PDCD7: variants seen among roughly 807,000 people sequenced by gnomAD.
The protein encoded by PDCD7 is programmed cell death protein 7.
A neutral mutation model predicts 42.1 loss-of-function variants in PDCD7; 40 were observed. That is an observed-to-expected ratio of 0.95 (90% confidence interval 0.74 to 1.24). The LOEUF (loss-of-function observed/expected upper bound fraction) is 1.24, where lower values mean the gene tolerates loss of function less well. Among genes scored for constraint, PDCD7 ranks in the 50% most tolerant of loss-of-function variants. PDCD7 has a pLI of 0.00. For synonymous variants in PDCD7, 299 were observed against 303.3 expected (o/e 0.99, Z 0.15); for missense variants, 644 against 662.8 (o/e 0.97, Z 0.31).
At chr15:65,124,628 T>C (rs1277585285) in intron 2 of PDCD7, among the ~76,000 whole-genome samples, 1 of 152,134 alleles carries the variant, frequency 6.6e-6, no homozygotes, top group African/African-American at 2.4e-5. Flanking sequence ...ACCTTGGCAT[T>C]ATCAGAAAAA....
chr15:65,133,475 C>T lies in PDCD7; in HGVS notation c.307G>A (p.Ala103Thr), dbSNP rs2087561099. The change falls in exon 1 of 5, where the codon GCC becomes ACC. Residue 103 changes from alanine (A) to threonine (T), a missense_variant. Ala to Thr is a moderately conservative substitution (Grantham distance 58). Coordinates refer to ENST00000204549, the MANE Select transcript of PDCD7 (RefSeq NM_005707.2). ...PQCRPFPGTD[A>T]GERPRPPPPG... ...GGCGGTGGCCGCGGCCGCTCGCCGG[C>T]GTCGGTCCCCGGGAAGGGCCGACAC... is the stretch of plus-strand genomic sequence containing the variant. 4.1e-6 allele frequency: 5 copies of T among 1,218,528 alleles called. No homozygotes were observed. Among genetic ancestry groups the T allele is most frequent in the South Asian group, 4.1e-5 (1 of 24,242 alleles). The allele number at this position is 1,218,528 out of a possible 1,614,324, so 75.5% of individuals were successfully genotyped here. A position where few individuals can be genotyped will look rare whatever the true frequency, so the allele number is the denominator to read the frequency against.
In PDCD7 at chr15:65,128,916, G is replaced by A. The variant is rs117447304; in HGVS notation, c.1009+116C>T. 46 of 1,245,158 alleles carry A rather than the reference G, an allele frequency of 3.7e-5. 1 individual carries two copies. Among genetic ancestry groups the A allele is most frequent in the Middle Eastern group, 2.4e-4 (1 of 4,188 alleles). The allele number at this position is 1,245,158 out of a possible 1,614,324, so 77.1% of individuals were successfully genotyped here. A position where few individuals can be genotyped will look rare whatever the true frequency, so the allele number is the denominator to read the frequency against. ...TACTTGCTGACAAGCCCAGTTACCC[G>A]ACAAGGTGAAAATCATGAAGTTTCA... On this transcript the variant is annotated intron_variant, in intron 2 of 4. Transcript: ENST00000204549.
At chr15:65,119,606 C>A in intron 3 of PDCD7, 112 bp downstream of exon 3, 1 of 1,264,176 alleles carries the variant, frequency 7.9e-7, no homozygotes, top group Non-Finnish European at 1.1e-6. Context: ...CACAGAATTG[C>A]ATCTGGAAGG....
chr15:65,130,154 C>CTTTTT (rs886281618), intron 1 of PDCD7, among the ~76,000 whole-genome samples: 3 of 103,654 alleles, frequency 2.9e-5, no homozygotes, highest in Non-Finnish European at 2.0e-5. Flanking sequence ...CCCCAACCCT[C>CTTTTT]TTTTTTTTTT....
chr15:65,119,155 A>T, intron 4 of PDCD7: 1 of 493,336 alleles, frequency 2.0e-6, no homozygotes, highest in Non-Finnish European at 3.6e-6. Context: ...TTCTTCACCT[A>T]TAAAAATAGG....
chr15:65,119,696 C>T, intron 3 of PDCD7, 22 bp downstream of exon 3: 1 of 1,593,924 alleles, frequency 6.3e-7, no homozygotes, highest in East Asian at 2.2e-5. Context: ...TCATTTTCTC[C>T]ACTGGTTATA....
intron 2 of PDCD7, among the ~76,000 whole-genome samples, chr15:65,120,552 CA>C (rs1395780884): frequency 6.6e-6 from 1 of 151,976 alleles, no homozygotes; most frequent in Admixed American, 6.6e-5. Flanking sequence ...ACTAAAAATA[CA>C]AAAAATTAGC....
rs1322767955 is a variant in PDCD7 at position 65,133,447 on chromosome 15, G to A, written c.335C>T (p.Pro112Leu). The change falls in exon 1 of 5, where the codon CCC (proline) becomes CTC (leucine). Residue 112 changes from proline (P) to leucine (L), a missense_variant. Physicochemically the swap from Pro to Leu is moderately conservative, Grantham distance 98. Coordinates refer to ENST00000204549, the MANE Select transcript of PDCD7 (RefSeq NM_005707.2). ...CGGGCTCCAGGGCGGCCCCGGGCCG[G>A]GAGGCGGTGGCCGCGGCCGCTCGCC... ...DAGERPRPPP[P>L]GPGPPWSPRW... 6 of 1,198,910 alleles carry A rather than the reference G, an allele frequency of 5.0e-6. No homozygotes were observed. The highest frequency in any genetic ancestry group is 8.3e-5 in the South Asian group (2 of 24,092). The allele number at this position is 1,198,910 out of a possible 1,614,324, so 74.3% of individuals were successfully genotyped here.
At chr15:65,131,019 C>T (rs536186084) in intron 1 of PDCD7, among the ~76,000 whole-genome samples, 1 of 152,174 alleles carries the variant, frequency 6.6e-6, no homozygotes, top group South Asian at 2.1e-4. Flanking sequence ...TCAACAAACC[C>T]CAGGCCACGG....
Position 65,133,608 on chromosome 15 carries a change from A to G in PDCD7, c.174T>C (p.Pro58=). 2 of 1,240,422 alleles carry G rather than the reference A, an allele frequency of 1.6e-6. No individual in the cohort carries two copies. Among genetic ancestry groups the G allele is most frequent in the Non-Finnish European group, 2.0e-6 (2 of 990,992 alleles). The allele number at this position is 1,240,422 out of a possible 1,614,324, so 76.8% of individuals were successfully genotyped here. A position where few individuals can be genotyped will look rare whatever the true frequency, so the allele number is the denominator to read the frequency against. ...FPGASAPFLQ[P]PLALQPRASA... Reference sequence around the variant, plus strand: ...AGGCTCGGGGCTGCAGAGCCAGCGGAGGCTGAAGGAAGGGGGCGGAGGCCC... The same window carrying G: ...AGGCTCGGGGCTGCAGAGCCAGCGGGGGCTGAAGGAAGGGGGCGGAGGCCC... The change falls in exon 1 of 5, where the codon CCT becomes CCC. Residue 58 remains proline, a synonymous_variant. Coordinates refer to ENST00000204549, the MANE Select transcript of PDCD7 (RefSeq NM_005707.2).
At chr15:65,129,193 G>C in intron 1 of PDCD7, 23 bp from the exon 2 acceptor site, 1 of 1,612,436 alleles carries the variant, frequency 6.2e-7, no homozygotes, top group Non-Finnish European at 8.5e-7. Context: ...CAAAGCCCAT[G>C]AGACCTCGTA....
Position 65,132,920 on chromosome 15 carries a change from TCTC to T in PDCD7, c.859_861del (p.Glu287del). The T allele has an allele frequency of 1.2e-6, 2 of 1,603,956 alleles. No individual in the cohort carries two copies. The highest frequency in any genetic ancestry group is 1.7e-6 in the Non-Finnish European group (2 of 1,179,712). ...GCGGCCGCTGCTCTCACCCGCTTCT[TCTC>T]CTCCACCTCCTGCACACACTTCACC... On this transcript the variant is annotated inframe_deletion, in exon 1 of 5. Coordinates refer to ENST00000204549, the MANE Select transcript of PDCD7 (RefSeq NM_005707.2).
At position 65,129,169 on chromosome 15, in the gene PDCD7, T is replaced by A; in HGVS notation, c.872A>T (p.Glu291Val). The A allele has an allele frequency of 6.2e-7, 1 of 1,613,680 alleles. No homozygotes were observed. Among genetic ancestry groups the A allele is most frequent in the Non-Finnish European group, 8.5e-7 (1 of 1,179,850 alleles). ...CVQEVEEKKR[E>V]QELKAAADGV... ...ATCAGCGGCTGCTTTGAGTTCCTGC[T>A]CCTGGAAGAGAAACAAAGCCCATGA... Residue 291 changes from glutamate (E) to valine (V), a missense_variant and splice_region_variant, in exon 2 of 5, where the codon GAG becomes GTG. Glu to Val is a moderately radical substitution (Grantham distance 121, BLOSUM62 -2). Coordinates refer to ENST00000204549, the MANE Select transcript of PDCD7 (RefSeq NM_005707.2).
In PDCD7 at chr15:65,133,793, A is replaced by G; in HGVS notation, c.-12T>C. On this transcript the variant is annotated 5_prime_UTR_variant, in exon 1 of 5. Coordinates refer to ENST00000204549, the MANE Select transcript of PDCD7 (RefSeq NM_005707.2). ...GGTGGCAGGGCCATGTTCACGACGG[A>G]GATGCTTTGAGAAGTGACAGGAATC... is the stretch of plus-strand genomic sequence containing the variant. 1 of 1,360,882 alleles carries G rather than the reference A, an allele frequency of 7.3e-7. No homozygotes were observed. 84.3% of individuals were successfully genotyped at this position (1,360,882 alleles called of 1,614,324 possible).
At position 65,130,600 on chromosome 15, in the gene PDCD7, C is replaced by G. The variant is rs146128041; in HGVS notation, c.871-1430G>C. ...CCACCACTACAGCTACAGCCAACAC[C>G]AAGCTGTTTCACTTCTCCATTTGGA... On this transcript the variant is annotated intron_variant, in intron 1 of 4. Transcript: ENST00000204549. Among the ~76,000 whole-genome samples, 6 of 152,330 alleles carry G rather than the reference C, an allele frequency of 3.9e-5. No individual in the cohort carries two copies. The East Asian group carries it at 1.2e-3, about 29-fold the overall frequency.
intron 2 of PDCD7, among the ~76,000 whole-genome samples, chr15:65,122,494 A>G (rs891233975): frequency 1.1e-4 from 16 of 152,180 alleles, no homozygotes; most frequent in African/African-American, 3.9e-4. Context: ...CGTTACATGT[A>G]TGTAATTTCC....
intron 2 of PDCD7, among the ~76,000 whole-genome samples, chr15:65,126,551 C>A (rs1251217984): frequency 6.6e-6 from 1 of 151,916 alleles, no homozygotes; most frequent in Admixed American, 6.6e-5. Context: ...CCCAGGAGTT[C>A]GAGACCAGCT....
intron 3 of PDCD7, 87 bp from the exon 4 acceptor site, chr15:65,119,550 G>C: frequency 8.2e-7 from 1 of 1,222,412 alleles, no homozygotes; most frequent in Admixed American, 1.7e-5. Context: ...CTATGATTAC[G>C]ACAGAATGAG....
In PDCD7 at chr15:65,122,527, C is replaced by T. The variant is rs76093897; in HGVS notation, c.1010-2573G>A. 2.9e-3 allele frequency among the ~76,000 whole-genome samples: 447 copies of T among 152,150 alleles called. 3 individuals are homozygous for T. Among genetic ancestry groups the T allele is most frequent in the African/African-American group, 9.7e-3 (403 of 41,514 alleles). ...TCCACTTCTCCCTGTTGATTCTGTA[C>T]GTTCTTCTCCAATCTTCATAATTAT... On this transcript the variant is annotated intron_variant, in intron 2 of 4. Coordinates refer to ENST00000204549, the MANE Select transcript of PDCD7 (RefSeq NM_005707.2).
Sources: gnomAD v4.1 joint callset for allele counts (sites outside exome capture counted in the v4.1 genomes callset) on GRCh38, gnomAD v4.1.1 for gene constraint, MANE v1.5 for transcripts, NCBI Gene and HGNC (gene_info 2026-07-23, HGNC 2026-07-21) for gene names.